Variants in RIC3 observed in about 807,000 individuals in gnomAD.
RIC3 encodes the protein RIC3 acetylcholine receptor chaperone.
A neutral mutation model predicts 27.3 loss-of-function variants in RIC3; 28 were observed. That is an observed-to-expected ratio of 1.02 (90% CI 0.76 to 1.41). The LOEUF (loss-of-function observed/expected upper bound fraction) is 1.41. Among genes scored for constraint, RIC3 ranks in the 40% most tolerant of loss-of-function variants. The pLI is 0.00. For synonymous variants in RIC3, 184 were observed against 160.4 expected, an observed-to-expected ratio of 1.15 and a Z score of -1.11; for missense variants, 501 against 444.7, an observed-to-expected ratio of 1.13 and a Z score of -1.14.
intron 1 of RIC3, among the ~76,000 whole-genome samples, chr11:8,166,419 C>A (rs1442166251): frequency 2.6e-5 from 4 of 151,964 alleles, no homozygotes; most frequent in Non-Finnish European, 5.9e-5. Context: ...CATCAATGGG[C>A]AAAAATGGAA....
chr11:8,142,557 T>A (rs1360181722), intron 1 of RIC3, among the ~76,000 whole-genome samples: 2 of 146,626 alleles, frequency 1.4e-5, no homozygotes, highest in African/African-American at 5.1e-5. Flanking sequence ...CCAAAAAGAG[T>A]CCAGGACCAG....
the RIC3 span, among the ~76,000 whole-genome samples, chr11:8,098,466 TGAG>T: frequency 8.5e-5 from 13 of 152,148 alleles, no homozygotes; most frequent in Admixed American, 2.6e-4. Flanking sequence ...TCACCTCCCA[TGAG>T]GAGAACTCCC....
chr11:8,129,297 C>A (rs1947385967), intron 4 of RIC3, among the ~76,000 whole-genome samples: 1 of 152,006 alleles, frequency 6.6e-6, no homozygotes, highest in Admixed American at 6.6e-5. Flanking sequence ...CTAGGACTCT[C>A]ATTTCTCCAT....
At chr11:8,093,182 G>C in the RIC3 span, among the ~76,000 whole-genome samples, 45 of 152,136 alleles carry the variant, frequency 3.0e-4, no homozygotes, top group South Asian at 8.3e-4. Flanking sequence ...GGCAGGCACA[G>C]CGTCCCTCGG....
At chr11:8,113,919 T>C (rs1168978221) in intron 5 of RIC3, among the ~76,000 whole-genome samples, 1 of 152,134 alleles carries the variant, frequency 6.6e-6, no homozygotes, top group African/African-American at 2.4e-5. Context: ...CAGCCCCAGG[T>C]CAGCCCTTGT....
chr11:8,096,793 G>A, the RIC3 span: 32 of 1,614,062 alleles, frequency 2.0e-5, no homozygotes, highest in Non-Finnish European at 2.6e-5. Context: ...GCTACTAGCA[G>A]GAAGTCCGTC....
chr11:8,112,294 CTTTT>C (rs11376341), intron 5 of RIC3, among the ~76,000 whole-genome samples: 1 of 124,314 alleles, frequency 8.0e-6, no homozygotes, highest in African/African-American at 3.1e-5. Flanking sequence ...CTTTTCTTTT[CTTTT>C]TTTTTTTTTG....
At chr11:8,118,224 CA>C (rs989594446) in intron 5 of RIC3, among the ~76,000 whole-genome samples, 2,087 of 46,002 alleles carry the variant, frequency 0.045, 37 homozygotes, top group African/African-American at 0.13. Context: ...GGTTCCATCT[CA>C]AAAAAAAAAA....
intron 1 of RIC3, among the ~76,000 whole-genome samples, chr11:8,146,308 T>C (rs1242920268): frequency 6.6e-6 from 1 of 152,200 alleles, no homozygotes; most frequent in East Asian, 1.9e-4. Context: ...ATTATGCAGG[T>C]TGAAAACACA....
chr11:8,095,632 G>A, the RIC3 span: 7 of 1,608,650 alleles, frequency 4.4e-6, no homozygotes, highest in East Asian at 4.5e-5. Context: ...ACGGCCCAGC[G>A]GGCAGGATCT....
At chr11:8,167,788 A>C in intron 1 of RIC3, among the ~76,000 whole-genome samples, 1 of 152,298 alleles carries the variant, frequency 6.6e-6, no homozygotes, top group South Asian at 2.1e-4. Flanking sequence ...AAAAAAAAGA[A>C]CAAATACGCA....
chr11:8,104,103 G>A (rs569321157), downstream of RIC3: 1 of 152,266 alleles, frequency 6.6e-6, no homozygotes, highest in Admixed American at 6.5e-5. Context: ...TGGGTGCATG[G>A]ACTCGTAAAG....
chr11:8,137,303 C>T, intron 4 of RIC3, 75 bp downstream of exon 4: 1 of 1,327,704 alleles, frequency 7.5e-7, no homozygotes, highest in Non-Finnish European at 1.1e-6. Flanking sequence ...GGATTAGAGG[C>T]CTCGGCCACT....
intron 5 of RIC3, among the ~76,000 whole-genome samples, chr11:8,120,904 ACC>A (rs1298533024): frequency 1.7e-4 from 26 of 152,158 alleles, no homozygotes; most frequent in Non-Finnish European, 3.4e-4. Flanking sequence ...ACGATTTTAT[ACC>A]CAGCCAAACA....
intron 1 of RIC3, among the ~76,000 whole-genome samples, chr11:8,152,862 T>A (rs1950358708): frequency 1.3e-5 from 2 of 152,150 alleles, no homozygotes; most frequent in South Asian, 4.1e-4. Flanking sequence ...AAAACAATGC[T>A]TTCTCCAGGA....
rs1258991257 is a variant in RIC3, at chr11:8,162,620, A to ATGC, written c.124+6243_124+6245dup. Among the ~76,000 whole-genome samples the ATGC allele has an allele frequency of 2.2e-5, 3 of 134,392 alleles. No homozygotes were observed. The East Asian group carries it at 6.6e-4, about 30-fold the overall frequency. The allele number at this position is 134,392 out of a possible 152,430, so 88.2% of individuals were successfully genotyped here. ...AACTCTGAGGATACTTCAAGGCTCC[A>ATGC]TGCTTCTTCTTTTTTTTTTTTTTTT... On this transcript the variant is annotated intron_variant, in intron 1 of 5. Coordinates refer to ENST00000309737, the MANE Select transcript of RIC3 (RefSeq NM_001206671.4).
intron 5 of RIC3, among the ~76,000 whole-genome samples, chr11:8,115,742 T>G (rs750977158): frequency 6.6e-6 from 1 of 152,166 alleles, no homozygotes; most frequent in Admixed American, 6.6e-5. Context: ...TGAAAGAAAT[T>G]GAAGAAGACA....
At chr11:8,141,835 C>T (rs977391090) in intron 1 of RIC3, among the ~76,000 whole-genome samples, 1 of 152,116 alleles carries the variant, frequency 6.6e-6, no homozygotes, top group East Asian at 1.9e-4. Context: ...TCTCTCAGAC[C>T]ACAGTGCAAT....
chr11:8,152,353 T>C (rs963870864), intron 1 of RIC3, among the ~76,000 whole-genome samples: 4 of 152,160 alleles, frequency 2.6e-5, no homozygotes, highest in Admixed American at 2.0e-4. Flanking sequence ...CAACAAAATG[T>C]AGTATATCCA....
Sources: gnomAD v4.1 joint callset for allele counts (sites outside exome capture counted in the v4.1 genomes callset) on GRCh38, gnomAD v4.1.1 for gene constraint, MANE v1.5 for transcripts, NCBI Gene and HGNC (gene_info 2026-07-23, HGNC 2026-07-21) for gene names.